PTPRD: variants seen among roughly 807,000 people sequenced by gnomAD.
The protein encoded by PTPRD is protein tyrosine phosphatase receptor type D.
A neutral mutation model predicts 214.5 loss-of-function variants in PTPRD; 34 were observed. That is an observed-to-expected ratio of 0.16 (90% CI 0.12 to 0.21). The LOEUF is 0.21. Ranked by LOEUF, PTPRD falls within the 10% of genes least tolerant of loss-of-function variation. The probability of loss-of-function intolerance (pLI) is 1.00; values close to 1 mark genes in which losing one functional copy is unlikely to be tolerated. For missense variants in PTPRD, 2,545 were observed against 2,398.7 expected, an observed-to-expected ratio of 1.06 and a Z score of -1.27; for synonymous variants, 1,128 against 845.7, an observed-to-expected ratio of 1.33 and a Z score of -5.79.
intron 44 of PTPRD, among the ~76,000 whole-genome samples, chr9:8,329,161 G>A (rs1305164873): frequency 3.3e-5 from 5 of 151,974 alleles, no homozygotes; most frequent in African/African-American, 7.3e-5. Flanking sequence ...CCCCATCTTC[G>A]TGGATTTATC....
chr9:9,613,929 C>G (rs2154347379), intron 7 of PTPRD, among the ~76,000 whole-genome samples: 1 of 152,246 alleles, frequency 6.6e-6, no homozygotes, highest in South Asian at 2.1e-4. Context: ...ACAGATAACT[C>G]TTCAAATCCC....
chr9:9,358,464 T>A (rs1569567697), intron 9 of PTPRD, among the ~76,000 whole-genome samples: 1 of 151,288 alleles, frequency 6.6e-6, no homozygotes, highest in East Asian at 1.9e-4. Context: ...TTTAGCCTTG[T>A]TCATCCAGGA....
chr9:10,376,010 C>G (rs1186674393), intron 2 of PTPRD, among the ~76,000 whole-genome samples: 2 of 151,950 alleles, frequency 1.3e-5, no homozygotes, highest in Non-Finnish European at 2.9e-5. Context: ...ATGTCATACA[C>G]TCTTATTCAC....
intron 11 of PTPRD, among the ~76,000 whole-genome samples, chr9:8,949,493 C>T (rs996441979): frequency 8.6e-5 from 9 of 105,200 alleles, no homozygotes; most frequent in Admixed American, 7.5e-4. Context: ...ATAATAATCA[C>T]TTCCATTTAC....
At chr9:9,495,687 A>C (rs1219582570) in intron 8 of PTPRD, among the ~76,000 whole-genome samples, 1 of 151,996 alleles carries the variant, frequency 6.6e-6, no homozygotes, top group Non-Finnish European at 1.5e-5. Flanking sequence ...CACTCAATAA[A>C]ATTCTCTGCT....
chr9:8,727,208 C>A (rs1002709364), intron 12 of PTPRD, among the ~76,000 whole-genome samples: 1 of 152,136 alleles, frequency 6.6e-6, no homozygotes, highest in Non-Finnish European at 1.5e-5. Context: ...ACAGGTCACA[C>A]TTTGGAATTG....
At chr9:10,224,073 T>C (rs2099580717) in intron 3 of PTPRD, among the ~76,000 whole-genome samples, 1 of 151,956 alleles carries the variant, frequency 6.6e-6, no homozygotes. Context: ...CTTCATATAA[T>C]ATTAAGTCTA....
intron 8 of PTPRD, among the ~76,000 whole-genome samples, chr9:9,438,651 T>C (rs368456523): frequency 1.3e-5 from 2 of 152,176 alleles, no homozygotes; most frequent in East Asian, 1.9e-4. Flanking sequence ...TGCTAATTAT[T>C]CACTATGACT....
chr9:9,644,660 T>C (rs1051220648), intron 7 of PTPRD, among the ~76,000 whole-genome samples: 4 of 152,122 alleles, frequency 2.6e-5, no homozygotes, highest in African/African-American at 9.7e-5. Flanking sequence ...CTGGAAACTA[T>C]GGCCCCTAAA....
At chr9:8,495,153 T>C (rs2097234647) in intron 26 of PTPRD, among the ~76,000 whole-genome samples, 1 of 152,232 alleles carries the variant, frequency 6.6e-6, no homozygotes, top group Non-Finnish European at 1.5e-5. Context: ...ATTGTAAATA[T>C]CTGCTAGATG....
At chr9:8,561,450 G>C (rs952888233) in intron 14 of PTPRD, among the ~76,000 whole-genome samples, 2 of 152,114 alleles carry the variant, frequency 1.3e-5, no homozygotes, top group Admixed American at 6.6e-5. Context: ...CTTGGACGCA[G>C]GATAAGAGCT....
At chr9:9,206,277 T>C (rs1283816600) in intron 9 of PTPRD, among the ~76,000 whole-genome samples, 1 of 152,112 alleles carries the variant, frequency 6.6e-6, no homozygotes, top group Non-Finnish European at 1.5e-5. Context: ...TATAGACCAT[T>C]CAAAAGACAT....
At chr9:9,120,858 G>C (rs780376018) in intron 10 of PTPRD, among the ~76,000 whole-genome samples, 2 of 152,148 alleles carry the variant, frequency 1.3e-5, no homozygotes. Context: ...CCAAGGGTTG[G>C]TATCACTGTT....
At chr9:9,232,671 T>G (rs186736945) in intron 9 of PTPRD, among the ~76,000 whole-genome samples, 1 of 152,274 alleles carries the variant, frequency 6.6e-6, no homozygotes, top group African/African-American at 2.4e-5. Flanking sequence ...TTTAGTTTTA[T>G]ATATTTATTT....
chr9:8,607,155 T>C (rs780535527), intron 14 of PTPRD, among the ~76,000 whole-genome samples: 31 of 152,152 alleles, frequency 2.0e-4, no homozygotes, highest in Non-Finnish European at 3.5e-4. Context: ...TCTTGAAAAA[T>C]GCTAAGAGGG....
intron 11 of PTPRD, among the ~76,000 whole-genome samples, chr9:8,854,757 T>G (rs1032446631): frequency 7.9e-5 from 12 of 152,176 alleles, no homozygotes; most frequent in African/African-American, 2.9e-4. Flanking sequence ...TACAAACTTG[T>G]ACAGCGCTTA....
At chr9:9,607,132 A>G (rs535848480) in intron 7 of PTPRD, among the ~76,000 whole-genome samples, 2 of 152,168 alleles carry the variant, frequency 1.3e-5, no homozygotes, top group East Asian at 1.9e-4. Context: ...GAATGCAATG[A>G]GTTATTTATT....
intron 33 of PTPRD, 88 bp downstream of exon 33, chr9:8,460,323 C>T (rs1048322953): frequency 6.7e-7 from 1 of 1,490,236 alleles, no homozygotes; most frequent in South Asian, 1.2e-5. Context: ...CTACTAAAAT[C>T]AACCACCTAA....
Position 10,413,763 on chromosome 9 carries a change from A to T in PTPRD, c.-599-72746T>A, listed in dbSNP as rs149351883. Reference sequence around the variant, plus strand: ...AAGATATTGGTACAAAAACAGGCACATAGACAAATGGAACAGACTAGAAAA... The same window carrying T: ...AAGATATTGGTACAAAAACAGGCACTTAGACAAATGGAACAGACTAGAAAA... On this transcript the variant is annotated intron_variant, in intron 2 of 45. Transcript: ENST00000381196. 1.5e-3 allele frequency among the ~76,000 whole-genome samples: 232 copies of T among 152,092 alleles called. 2 individuals are homozygous for T. The highest frequency in any genetic ancestry group is 5.3e-3 in the African/African-American group (219 of 41,536).
Sources: allele counts gnomAD v4.1 joint callset (sites outside exome capture counted in the v4.1 genomes callset), GRCh38; gene constraint gnomAD v4.1.1; transcripts MANE v1.5; gene names NCBI Gene and HGNC (gene_info 2026-07-23, HGNC 2026-07-21).